TRIP11: variants seen among roughly 807,000 people sequenced by gnomAD.
TRIP11 encodes thyroid receptor-interacting protein 11.
TRIP11 carries 148 observed loss-of-function variants against 223.1 expected under a neutral mutation model. The ratio of observed to expected loss-of-function variants is 0.66; its 90% CI spans 0.58 to 0.76. TRIP11 has a LOEUF of 0.76. Ranked by LOEUF, TRIP11 falls within the 30% of genes least tolerant of loss-of-function variation. TRIP11 has a pLI of 0.00. For synonymous variants in TRIP11, 762 were observed against 772.6 expected, an observed-to-expected ratio of 0.99 and a Z score of 0.23; for missense variants, 2,043 against 2,222.0, an observed-to-expected ratio of 0.92 and a Z score of 1.62.
intron 9 of TRIP11, among the ~76,000 whole-genome samples, chr14:92,010,336 C>T (rs12878337): frequency 0.03 from 4,540 of 152,098 alleles, 89 homozygotes; most frequent in Middle Eastern, 0.072. Flanking sequence ...TTTGAGACCA[C>T]CCTGACCAAC....
intron 9 of TRIP11, among the ~76,000 whole-genome samples, chr14:92,010,296 C>T (rs551911529): frequency 6.6e-6 from 1 of 152,124 alleles, no homozygotes; most frequent in South Asian, 2.1e-4. Flanking sequence ...TTTGGGAGGC[C>T]GAGGTGGGCA....
At chr14:91,988,930 T>C (rs922445559) in intron 15 of TRIP11, among the ~76,000 whole-genome samples, 1 of 152,230 alleles carries the variant, frequency 6.6e-6, no homozygotes, top group Non-Finnish European at 1.5e-5. Context: ...GAGCACCTTG[T>C]ATAGCAGATA....
chr14:92,026,410 C>A (rs1199914864), intron 2 of TRIP11, among the ~76,000 whole-genome samples: 1 of 152,166 alleles, frequency 6.6e-6, no homozygotes, highest in African/African-American at 2.4e-5. Flanking sequence ...ATAATAAGAA[C>A]ATAATGGGGC....
chr14:92,004,258 C>G lies in TRIP11; in HGVS notation c.3718G>C (p.Ala1240Pro). The change falls in exon 11 of 21, where the codon GCC (alanine) becomes CCC (proline). Residue 1240 changes from alanine (A) to proline (P), a missense_variant. Transcript: ENST00000267622. ...TGGTGAAGCTCTTCCTGAAGCTGGG[C>G]TGACTCGTGTTGCATATTTTGTACT... ...TTVQNMQHESAQLQEELHQLQ... is the reference protein window; with the variant it reads ...TTVQNMQHESPQLQEELHQLQ... 6.2e-7 allele frequency: 1 copy of G among 1,614,116 alleles called. No individual in the cohort carries two copies. The highest frequency in any genetic ancestry group is 1.1e-5 in the South Asian group (1 of 91,082).
At chr14:92,021,073 A>C (rs2057107412) in intron 4 of TRIP11, among the ~76,000 whole-genome samples, 2 of 148,460 alleles carry the variant, frequency 1.3e-5, no homozygotes, top group South Asian at 4.3e-4. Flanking sequence ...CTGTCTCAAA[A>C]AAAAAAAAAA....
chr14:91,971,702 A>G (rs1566841708), intron 20 of TRIP11, among the ~76,000 whole-genome samples: 1 of 152,214 alleles, frequency 6.6e-6, no homozygotes, highest in Non-Finnish European at 1.5e-5. Flanking sequence ...AGTGTAAAAG[A>G]AAAACTGTTT....
rs1277366867 is a variant in TRIP11 at position 92,035,237 on chromosome 14, C to T, written c.140-1984G>A. On this transcript the variant is annotated intron_variant, in intron 1 of 20. Transcript: ENST00000267622. ...TAGGAGGCTGAGGCAGGAGAAATTG[C>T]TTGAACTGGGGAGGCAGAAGCTGCA... 2.6e-5 allele frequency among the ~76,000 whole-genome samples: 4 copies of T among 151,704 alleles called. No homozygotes were observed. In the East Asian group the frequency reaches 7.8e-4, roughly 30 times the overall value.
chr14:91,969,442 T>C lies in TRIP11; in HGVS notation c.*231A>G, dbSNP rs1394767382. On this transcript the variant is annotated 3_prime_UTR_variant, in exon 21 of 21. Transcript: ENST00000267622. ...AGGTAAAAGATAAATTAAATGTTCC[T>C]AGCTTAAATTAGGTCAAATCAGAAG... 1.8e-6 allele frequency: 1 copy of C among 541,854 alleles called. No individual in the cohort carries two copies. The highest frequency in any genetic ancestry group is 2.4e-5 in the South Asian group (1 of 42,002). The allele number at this position is 541,854 out of a possible 1,614,324, so 33.6% of individuals were successfully genotyped here.
chr14:92,021,521 A>T (rs201783026), intron 4 of TRIP11, 35 bp downstream of exon 4: 1 of 1,610,960 alleles, frequency 6.2e-7, no homozygotes, highest in Admixed American at 1.7e-5. Flanking sequence ...AATTTTACTC[A>T]AAGTTTTCAA....
rs2140074470 is a variant in TRIP11 at position 91,967,056 on chromosome 14, G to C, written c.*2617C>G. On this transcript the variant is annotated 3_prime_UTR_variant, in exon 21 of 21. Coordinates refer to ENST00000267622, the MANE Select transcript of TRIP11 (RefSeq NM_004239.4). The stretch of plus-strand genomic sequence containing the variant: ...CAGAAAAGTCAATGACTTATATCTG[G>C]TTTAGATCAACGAACACTTAGTATA... The C allele has an allele frequency of 5.4e-6, 1 of 185,302 alleles. No individual in the cohort carries two copies. Among genetic ancestry groups the C allele is most frequent in the Non-Finnish European group, 1.1e-5 (1 of 88,378 alleles). 11.5% of individuals were successfully genotyped at this position (185,302 alleles called of 1,614,324 possible).
intron 16 of TRIP11, chr14:91,977,071 G>T (rs1050678025): frequency 3.8e-6 from 1 of 266,206 alleles, no homozygotes; most frequent in East Asian, 1.1e-4. Context: ...AAGAAATAAA[G>T]AGGAGAGCTC....
intron 15 of TRIP11, 69 bp downstream of exon 15, chr14:91,993,740 A>T: frequency 7.9e-7 from 1 of 1,272,880 alleles, no homozygotes; most frequent in Non-Finnish European, 1.1e-6. Flanking sequence ...ATTATTTCCA[A>T]GACAAAGACT....
At chr14:91,976,599 C>A (rs1045505376) in intron 16 of TRIP11, among the ~76,000 whole-genome samples, 1 of 152,128 alleles carries the variant, frequency 6.6e-6, no homozygotes, top group Non-Finnish European at 1.5e-5. Context: ...ATTTTCCTGG[C>A]CAGACTCTGT....
chr14:91,979,974 G>T (rs2056516173), intron 16 of TRIP11, among the ~76,000 whole-genome samples: 1 of 149,072 alleles, frequency 6.7e-6, no homozygotes, highest in African/African-American at 2.5e-5. Flanking sequence ...ATAATTTTTT[G>T]GAAGTTAAAA....
chr14:91,991,898 C>G (rs546293419), intron 15 of TRIP11, among the ~76,000 whole-genome samples: 2 of 151,874 alleles, frequency 1.3e-5, no homozygotes, highest in Non-Finnish European at 2.9e-5. Flanking sequence ...GCCTGGCCAA[C>G]ATGGTGAAAC....
At chr14:92,023,200 T>C (rs1487398603) in intron 3 of TRIP11, among the ~76,000 whole-genome samples, 1 of 152,216 alleles carries the variant, frequency 6.6e-6, no homozygotes, top group African/African-American at 2.4e-5. Context: ...ACCAGTGTTT[T>C]CAACTGTGAG....
Position 92,039,604 on chromosome 14 carries a change from C to G in TRIP11, c.82G>C (p.Gly28Arg). The change falls in exon 1 of 21, where the codon GGC becomes CGC. Residue 28 changes from glycine to arginine, a missense_variant. Transcript: ENST00000267622. ...TCCTTTGTAAAGTTTGATATCTGGC[C>G]AGTGAGGGAAGCCAGGCTGCCCCCG... The part of the protein sequence containing the change: ...QVGGSLASLT[G>R]QISNFTKDML... The G allele has an allele frequency of 1.9e-6, 3 of 1,613,610 alleles. No homozygotes were observed. The highest frequency in any genetic ancestry group is 2.5e-6 in the Non-Finnish European group (3 of 1,179,832).
chr14:92,001,481 T>C (rs990493534), intron 11 of TRIP11, among the ~76,000 whole-genome samples: 2 of 152,020 alleles, frequency 1.3e-5, no homozygotes, highest in Admixed American at 1.3e-4. Context: ...AAAAAAGATG[T>C]TACTCATTAT....
In TRIP11 at chr14:91,967,440, G is replaced by C. The variant is rs1161720535; in HGVS notation, c.*2233C>G. 5.4e-6 allele frequency: 1 copy of C among 185,270 alleles called. No homozygotes were observed. The highest frequency in any genetic ancestry group is 1.1e-5 in the Non-Finnish European group (1 of 87,686). The allele number at this position is 185,270 out of a possible 1,614,324, so 11.5% of individuals were successfully genotyped here. A position where few individuals can be genotyped will look rare whatever the true frequency, so the allele number is the denominator to read the frequency against. ...AGGCGTGAGCCACTGTGCCCGGCCA[G>C]TATTATAGCTTTAGGACAAGGTCAC... On this transcript the variant is annotated 3_prime_UTR_variant, in exon 21 of 21. Transcript: ENST00000267622.
Sources: gnomAD v4.1 joint callset for allele counts (sites outside exome capture counted in the v4.1 genomes callset) on GRCh38, gnomAD v4.1.1 for gene constraint, MANE v1.5 for transcripts, NCBI Gene and HGNC (gene_info 2026-07-23, HGNC 2026-07-21) for gene names.